The following MYADML2 variants were observed in gnomAD, a reference collection of about 807,000 sequenced individuals.
MYADML2 encodes myeloid associated differentiation marker like 2.
In MYADML2, 17 loss-of-function variants were observed where a neutral mutation model predicts 16.0. The ratio of observed to expected loss-of-function variants is 1.06; its 90% CI spans 0.73 to 1.60. MYADML2 has a LOEUF of 1.60. MYADML2 is among the 40% of genes most tolerant of loss of function. The pLI, the probability that MYADML2 is intolerant of heterozygous loss-of-function variation, is 0.00. For missense variants in MYADML2, 422 were observed against 437.7 expected, an observed-to-expected ratio of 0.96 and a Z score of 0.32; for synonymous variants, 210 against 208.1, an observed-to-expected ratio of 1.01 and a Z score of -0.08.
chr17:81,943,141 C>T (rs1330773191), intron 1 of MYADML2, among the ~76,000 whole-genome samples: 1 of 151,298 alleles, frequency 6.6e-6, no homozygotes, highest in African/African-American at 2.4e-5. Context: ...GTGATCTCTG[C>T]TCACTGCAAG....
intron 2 of MYADML2, 106 bp from the exon 3 acceptor site, chr17:81,941,949 C>T: frequency 2.0e-6 from 1 of 511,444 alleles, no homozygotes; most frequent in South Asian, 3.7e-5. Flanking sequence ...GATCAGAGCC[C>T]CGGAATAGCA....
intron 1 of MYADML2, among the ~76,000 whole-genome samples, chr17:81,945,335 C>T (rs867588744): frequency 3.5e-4 from 53 of 151,988 alleles, no homozygotes; most frequent in East Asian, 1.2e-3. Flanking sequence ...GTCAGGAGAT[C>T]GAGACCATCC....
chr17:81,941,573 C>A lies in MYADML2; in HGVS notation c.169G>T (p.Ala57Ser), dbSNP rs1168893789. The A allele has an allele frequency of 9.0e-6, 14 of 1,548,190 alleles. No individual in the cohort carries two copies. Among genetic ancestry groups the A allele is most frequent in the African/African-American group, 2.7e-5 (2 of 73,056 alleles). ...GAGACGGCGAAGCAGAAGCCCCAGG[C>A]GGCCATGCAGAAGGTGCCCTGGACG... ...AGVQGTFCMA[A>S]WGFCFAVSAL... Residue 57 changes from alanine (A) to serine (S), a missense_variant, in exon 3 of 3, where the codon GCC becomes TCC. Transcript: ENST00000409745.
rs774020399 is a variant in MYADML2, at chr17:81,941,038, G to A, written c.704C>T (p.Thr235Ile). Reference sequence around the variant, plus strand: ...GAGGTACAGGAGCACAGCCAGGAAGGTGTACACCACCACCAGCCGGTCAAA... The same window carrying A: ...GAGGTACAGGAGCACAGCCAGGAAGATGTACACCACCACCAGCCGGTCAAA... ...CPFDRLVVVY[T>I]FLAVLLYLSA... Residue 235 changes from threonine (T) to isoleucine (I), a missense_variant, in exon 3 of 3, where the codon ACC (threonine) becomes ATC (isoleucine). Thr to Ile is a moderately conservative substitution (Grantham distance 89, BLOSUM62 -1). Coordinates refer to ENST00000409745, the MANE Select transcript of MYADML2 (RefSeq NM_001145113.3). 5 of 1,550,436 alleles carry A rather than the reference G, an allele frequency of 3.2e-6. No homozygotes were observed. In the South Asian group the frequency reaches 5.9e-5, roughly 18 times the overall value.
chr17:81,940,766 G>C lies in MYADML2; in HGVS notation c.*52C>G. 6.9e-7 allele frequency: 1 copy of C among 1,455,802 alleles called. No individual in the cohort carries two copies. The highest frequency in any genetic ancestry group is 1.4e-5 in the African/African-American group (1 of 70,078). 90.2% of individuals were successfully genotyped at this position (1,455,802 alleles called of 1,614,324 possible). On this transcript the variant is annotated 3_prime_UTR_variant, in exon 3 of 3. Transcript: ENST00000409745. ...TTGGTTCACCTGAGTTTCCCTCGCAGAGCCTGGAGCTGGTGGCCAGAGAGC... is the reference window on the plus strand; with the variant it reads ...TTGGTTCACCTGAGTTTCCCTCGCACAGCCTGGAGCTGGTGGCCAGAGAGC...
In MYADML2 at chr17:81,940,710, G is replaced by A. The variant is rs997162207; in HGVS notation, c.*108C>T. 63 of 1,241,232 alleles carry A rather than the reference G, an allele frequency of 5.1e-5. No individual in the cohort carries two copies. Among genetic ancestry groups the A allele is most frequent in the South Asian group, 3.3e-4 (21 of 62,958 alleles). 76.9% of individuals were successfully genotyped at this position (1,241,232 alleles called of 1,614,324 possible). ...GTTGTACTTCATCTCCCCTGAGCCCGCGGCTTCCCTCCTGCTCGCTACTTG... is the reference window on the plus strand; with the variant it reads ...GTTGTACTTCATCTCCCCTGAGCCCACGGCTTCCCTCCTGCTCGCTACTTG... On this transcript the variant is annotated 3_prime_UTR_variant, in exon 3 of 3. Transcript: ENST00000409745.
intron 2 of MYADML2, 85 bp from the exon 3 acceptor site, chr17:81,941,928 TAGAC>T (rs1024896050): frequency 8.9e-6 from 5 of 562,198 alleles, no homozygotes; most frequent in Non-Finnish European, 1.5e-5. Flanking sequence ...GCGCTATAAA[TAGAC>T]AGCCGTGATC....
chr17:81,941,833 G>A lies in MYADML2; in HGVS notation c.-92C>T, dbSNP rs1275214139. On this transcript the variant is annotated 5_prime_UTR_variant, in exon 3 of 3. Coordinates refer to ENST00000409745, the MANE Select transcript of MYADML2 (RefSeq NM_001145113.3). ...CCTCAGTCCTCTGCGGTAGTGGCAG[G>A]TGCCTGCAGCCTGCAGAGGCAGTGA... The A allele has an allele frequency of 3.1e-6, 4 of 1,270,830 alleles. No individual in the cohort carries two copies. Among genetic ancestry groups the A allele is most frequent in the African/African-American group, 3.0e-5 (2 of 66,418 alleles). 78.7% of individuals were successfully genotyped at this position (1,270,830 alleles called of 1,614,324 possible).
chr17:81,945,985 G>A (rs749710553), intron 1 of MYADML2, among the ~76,000 whole-genome samples: 31 of 152,086 alleles, frequency 2.0e-4, no homozygotes, highest in African/African-American at 4.6e-4. Flanking sequence ...GCCAGAGGGC[G>A]GGTGACACCT....
intron 1 of MYADML2, among the ~76,000 whole-genome samples, chr17:81,945,004 G>T (rs1199319870): frequency 6.6e-6 from 1 of 152,122 alleles, no homozygotes; most frequent in Non-Finnish European, 1.5e-5. Flanking sequence ...GGTGGCTGAC[G>T]CCTGTCATCC....
intron 1 of MYADML2, among the ~76,000 whole-genome samples, chr17:81,946,666 T>A (rs966427059): frequency 8.6e-5 from 13 of 150,576 alleles, no homozygotes; most frequent in African/African-American, 2.7e-4. Flanking sequence ...ATACAAAAAA[T>A]AAATAAATAA....
chr17:81,940,613 C>T lies in MYADML2; in HGVS notation c.*205G>A, dbSNP rs1567932041. The stretch of plus-strand genomic sequence containing the variant: ...GGTGAGGCTCTCCCCTGCGTCTGCT[C>T]AGGGCCTCTGCCCTACTGTCCTGCC... On this transcript the variant is annotated 3_prime_UTR_variant, in exon 3 of 3. Coordinates refer to ENST00000409745, the MANE Select transcript of MYADML2 (RefSeq NM_001145113.3). 1.7e-6 allele frequency: 1 copy of T among 584,052 alleles called. No individual in the cohort carries two copies. The highest frequency in any genetic ancestry group is 3.0e-6 in the Non-Finnish European group (1 of 335,682). 36.2% of individuals were successfully genotyped at this position (584,052 alleles called of 1,614,324 possible).
chr17:81,946,452 T>C (rs867099601), intron 1 of MYADML2, among the ~76,000 whole-genome samples: 1 of 149,872 alleles, frequency 6.7e-6, no homozygotes, highest in Non-Finnish European at 1.5e-5. Flanking sequence ...ATCGAGACCA[T>C]CCTGGCCAAC....
rs1296312201 is a variant in MYADML2 at position 81,942,017 on chromosome 17, C to T, written c.-102-174G>A. 2.5e-6 allele frequency: 1 copy of T among 397,964 alleles called. No individual in the cohort carries two copies. Among genetic ancestry groups the T allele is most frequent in the African/African-American group, 2.0e-5 (1 of 48,902 alleles). The allele number at this position is 397,964 out of a possible 1,614,324, so 24.7% of individuals were successfully genotyped here. On this transcript the variant is annotated intron_variant, in intron 2 of 2. Transcript: ENST00000409745. The surrounding 1 kb of genome is among the most constrained non-coding windows in gnomAD (Gnocchi z 4.4). ...TCTGACCCCTGGTCCCCTGTGGAGC[C>T]CCTGCCGGGACCATTAACCCATTGG... is the stretch of plus-strand genomic sequence containing the variant.
In MYADML2 at chr17:81,946,389, C is replaced by CCT. The variant is rs1567934699; in HGVS notation, c.-181+669_-181+670insAG. On this transcript the variant is annotated intron_variant, in intron 1 of 2. Coordinates refer to ENST00000409745, the MANE Select transcript of MYADML2 (RefSeq NM_001145113.3). Reference sequence around the variant, plus strand: ...AAAGGCCGGGCGCGGTGGCTCATGCCTGTAATCCCAGCACTTTGGGAGGCT... The same window carrying CCT: ...AAAGGCCGGGCGCGGTGGCTCATGCCCTTGTAATCCCAGCACTTTGGGAGGCT... 4.7e-3 allele frequency among the ~76,000 whole-genome samples: 710 copies of CCT among 151,530 alleles called. 13 individuals are homozygous for CCT. Among genetic ancestry groups the CCT allele is most frequent in the African/African-American group, 0.016 (670 of 41,152 alleles).
In MYADML2 at chr17:81,940,739, C is replaced by A; in HGVS notation, c.*79G>T. 1 of 1,420,996 alleles carries A rather than the reference C, an allele frequency of 7.0e-7. No homozygotes were observed. Among genetic ancestry groups the A allele is most frequent in the Non-Finnish European group, 9.3e-7 (1 of 1,069,566 alleles). 88.0% of individuals were successfully genotyped at this position (1,420,996 alleles called of 1,614,324 possible). On this transcript the variant is annotated 3_prime_UTR_variant, in exon 3 of 3. Coordinates refer to ENST00000409745, the MANE Select transcript of MYADML2 (RefSeq NM_001145113.3). ...CTTCCCTCCTGCTCGCTACTTGACA[C>A]TTTGGTTCACCTGAGTTTCCCTCGC...
chr17:81,941,979 T>C, intron 2 of MYADML2, 136 bp from the exon 3 acceptor site: 1 of 458,176 alleles, frequency 2.2e-6, no homozygotes, highest in South Asian at 5.1e-5. Context: ...CCTGTCCCCA[T>C]CTTAGAGAGA....
At chr17:81,945,859 C>T (rs1794194053) in intron 1 of MYADML2, among the ~76,000 whole-genome samples, 1 of 151,768 alleles carries the variant, frequency 6.6e-6, no homozygotes, top group African/African-American at 2.4e-5. Flanking sequence ...ACAATGAAAC[C>T]CCATCTCCAA....
intron 2 of MYADML2, 155 bp from the exon 3 acceptor site, chr17:81,941,998 C>T (rs1303536863): frequency 7.1e-6 from 3 of 420,706 alleles, no homozygotes; most frequent in Non-Finnish European, 8.4e-6. Flanking sequence ...GACATCTGAC[C>T]CCTGGTCCCC....
Sources: gnomAD v4.1 joint callset for allele counts (sites outside exome capture counted in the v4.1 genomes callset) on GRCh38, gnomAD v4.1.1 for gene constraint, Gnocchi (gnomAD v3.1) non-coding constraint, MANE v1.5 for transcripts, NCBI Gene and HGNC (gene_info 2026-07-23, HGNC 2026-07-21) for gene names.